CADM1: variants seen among roughly 807,000 people sequenced by gnomAD.
The protein encoded by CADM1 is cell adhesion molecule 1, also known as TSLC-1.
In CADM1, 15 loss-of-function variants were observed where a neutral mutation model predicts 53.1. The observed-to-expected ratio is 0.28, with a 90% confidence interval of 0.19 to 0.44. The LOEUF (loss-of-function observed/expected upper bound fraction) is 0.44. Among genes scored for constraint, CADM1 ranks in the 20% least tolerant of loss-of-function variants. The pLI is 1.00. For synonymous variants in CADM1, 281 were observed against 243.0 expected, an observed-to-expected ratio of 1.16 and a Z score of -1.45; for missense variants, 434 against 611.3, an observed-to-expected ratio of 0.71 and a Z score of 3.06.
intron 1 of CADM1, among the ~76,000 whole-genome samples, chr11:115,370,775 C>A (rs1473867739): frequency 6.6e-6 from 1 of 152,110 alleles, no homozygotes; most frequent in East Asian, 1.9e-4. Flanking sequence ...TTATAGTTAT[C>A]CACCCTGATC....
intron 1 of CADM1, among the ~76,000 whole-genome samples, chr11:115,363,103 T>C (rs1020690372): frequency 1.3e-5 from 2 of 152,198 alleles, no homozygotes; most frequent in African/African-American, 4.8e-5. Flanking sequence ...ATCAATCTTA[T>C]AAGCCAAGCG....
At chr11:115,386,993 AGT>A (rs1280589714) in intron 1 of CADM1, among the ~76,000 whole-genome samples, 1 of 152,226 alleles carries the variant, frequency 6.6e-6, no homozygotes, top group Non-Finnish European at 1.5e-5. Context: ...AAGTAGCAAC[AGT>A]GTATGGAAGC....
At chr11:115,434,543 T>G (rs910063586) in intron 1 of CADM1, among the ~76,000 whole-genome samples, 2 of 152,196 alleles carry the variant, frequency 1.3e-5, no homozygotes, top group African/African-American at 4.8e-5. Flanking sequence ...CCACCAGGAC[T>G]GGTTTCTTTT....
chr11:115,200,075 G>A (rs1405610975), intron 8 of CADM1, among the ~76,000 whole-genome samples: 2 of 152,142 alleles, frequency 1.3e-5, no homozygotes, highest in Non-Finnish European at 2.9e-5. Context: ...TCCCTTCTAA[G>A]GAGCCAGAAT....
intron 5 of CADM1, among the ~76,000 whole-genome samples, chr11:115,224,115 A>C (rs937492059): frequency 6.6e-6 from 1 of 152,078 alleles, no homozygotes; most frequent in Non-Finnish European, 1.5e-5. Context: ...GCTCTTGGGA[A>C]CTAAGTGTTA....
chr11:115,283,117 C>T (rs1455407956), intron 1 of CADM1, among the ~76,000 whole-genome samples: 1 of 152,124 alleles, frequency 6.6e-6, no homozygotes, highest in East Asian at 1.9e-4. Flanking sequence ...TGAATCATAA[C>T]ATTTTATGGG....
At chr11:115,443,262 C>G (rs1240165304) in intron 1 of CADM1, among the ~76,000 whole-genome samples, 1 of 152,214 alleles carries the variant, frequency 6.6e-6, no homozygotes, top group Non-Finnish European at 1.5e-5. Flanking sequence ...ACCAGCTTCT[C>G]CAAAACCAAA....
intron 1 of CADM1, among the ~76,000 whole-genome samples, chr11:115,459,386 T>C (rs1022495662): frequency 2.1e-4 from 32 of 152,208 alleles, no homozygotes; most frequent in Admixed American, 6.5e-5. Context: ...ATTGAATTTA[T>C]AGCTACAATG....
At chr11:115,342,532 C>G (rs45465296) in intron 1 of CADM1, among the ~76,000 whole-genome samples, 13,989 of 152,130 alleles carry the variant, frequency 0.092, 839 homozygotes, top group Middle Eastern at 0.14. Context: ...CCCTAAGGCC[C>G]CAGTGACAGA....
At chr11:115,333,455 C>G (rs1167130019) in intron 1 of CADM1, 1 of 152,096 alleles carries the variant, frequency 6.6e-6, no homozygotes, top group African/African-American at 2.4e-5. Context: ...TAAAGCTTAT[C>G]TAGTGGTTCT....
At chr11:115,373,448 G>C (rs1946358218) in intron 1 of CADM1, among the ~76,000 whole-genome samples, 1 of 151,784 alleles carries the variant, frequency 6.6e-6, no homozygotes, top group South Asian at 2.1e-4. Flanking sequence ...AGCAGGGTGT[G>C]GTGGTGCACG....
At chr11:115,335,533 T>C (rs1343981496) in intron 1 of CADM1, among the ~76,000 whole-genome samples, 1 of 152,170 alleles carries the variant, frequency 6.6e-6, no homozygotes, top group East Asian at 1.9e-4. Flanking sequence ...TTTGATACTA[T>C]ACCAAAACTC....
chr11:115,268,850 T>A (rs1170475103), intron 1 of CADM1, among the ~76,000 whole-genome samples: 1 of 152,100 alleles, frequency 6.6e-6, no homozygotes, highest in African/African-American at 2.4e-5. Flanking sequence ...GGAATTTGAC[T>A]TGGCAAGTCA....
intron 1 of CADM1, among the ~76,000 whole-genome samples, chr11:115,472,378 G>A (rs538460682): frequency 6.4e-4 from 97 of 152,268 alleles, no homozygotes; most frequent in Non-Finnish European, 1.1e-3. Flanking sequence ...AGAAGGAAGA[G>A]CATATATTAG....
At chr11:115,280,387 G>A (rs915465785) in intron 1 of CADM1, among the ~76,000 whole-genome samples, 1 of 152,166 alleles carries the variant, frequency 6.6e-6, no homozygotes, top group Non-Finnish European at 1.5e-5. Flanking sequence ...TTTCTTTCTA[G>A]AGGGGTTATA....
At chr11:115,316,681 G>A (rs976857155) in intron 1 of CADM1, among the ~76,000 whole-genome samples, 3 of 152,124 alleles carry the variant, frequency 2.0e-5, no homozygotes, top group East Asian at 3.9e-4. Flanking sequence ...ACGCTATCTG[G>A]TCACCTCTAA....
chr11:115,248,347 C>T (rs974597818), intron 1 of CADM1, among the ~76,000 whole-genome samples: 2 of 152,142 alleles, frequency 1.3e-5, no homozygotes, highest in African/African-American at 4.8e-5. Context: ...AAAGACTGAG[C>T]TCAATATGAC....
chr11:115,312,815 C>T (rs143918228), intron 1 of CADM1, among the ~76,000 whole-genome samples: 12 of 152,158 alleles, frequency 7.9e-5, no homozygotes, highest in South Asian at 4.1e-4. Context: ...TTTGTGGGAA[C>T]GTAGCAGAAG....
At chr11:115,413,092 T>G (rs1312107294) in intron 1 of CADM1, among the ~76,000 whole-genome samples, 3 of 152,150 alleles carry the variant, frequency 2.0e-5, no homozygotes, top group Admixed American at 6.5e-5. Flanking sequence ...AAGAAATATC[T>G]GGTTTATTTA....
Sources: allele counts gnomAD v4.1 joint callset (sites outside exome capture counted in the v4.1 genomes callset), GRCh38; gene constraint gnomAD v4.1.1; transcripts MANE v1.5; gene names NCBI Gene and HGNC (gene_info 2026-07-23, HGNC 2026-07-21).